ZCWPW1: variants seen among roughly 807,000 people sequenced by gnomAD.
ZCWPW1 encodes the protein zinc finger CW-type and PWWP domain containing 1.
Under a neutral mutation model 81.3 loss-of-function variants are expected in ZCWPW1, and 56 were observed. That is an observed-to-expected ratio of 0.69 (90% CI 0.56 to 0.86). The LOEUF (loss-of-function observed/expected upper bound fraction) is 0.86, where lower values mean the gene tolerates loss of function less well. Ranked by LOEUF, ZCWPW1 falls within the 40% of genes least tolerant of loss-of-function variation. ZCWPW1 has a pLI of 0.00. For missense variants in ZCWPW1, 650 were observed against 769.8 expected, an observed-to-expected ratio of 0.84 and a Z score of 1.84; for synonymous variants, 250 against 273.7, an observed-to-expected ratio of 0.91 and a Z score of 0.86.
At chr7:100,407,164 G>GTGAGGA in intron 11 of ZCWPW1, 64 bp downstream of exon 11, 1 of 1,467,604 alleles carries the variant, frequency 6.8e-7, no homozygotes, top group Non-Finnish European at 9.5e-7. Flanking sequence ...CTGTACGTCT[G>GTGAGGA]TGAGGATGGA....
intron 17 of ZCWPW1, 131 bp from the exon 18 acceptor site, chr7:100,401,467 T>C (rs1791864280): frequency 2.2e-6 from 2 of 890,686 alleles, no homozygotes; most frequent in East Asian, 5.6e-5. Context: ...ACAAAGAATA[T>C]GGACTTTGGG....
intron 1 of ZCWPW1, among the ~76,000 whole-genome samples, chr7:100,426,382 C>G (rs1180703345): frequency 1.3e-5 from 2 of 150,440 alleles, no homozygotes; most frequent in African/African-American, 4.9e-5. Context: ...ATCTCAGCTA[C>G]TTGGGAGGCT....
intron 8 of ZCWPW1, among the ~76,000 whole-genome samples, chr7:100,415,053 C>T (rs976156984): frequency 1.4e-5 from 2 of 147,048 alleles, no homozygotes; most frequent in Admixed American, 6.8e-5. Context: ...AAACAAAAAA[C>T]CCCTCCCTCA....
At chr7:100,419,014 A>T in intron 5 of ZCWPW1, 97 bp downstream of exon 5, 1 of 925,786 alleles carries the variant, frequency 1.1e-6, no homozygotes, top group Non-Finnish European at 1.7e-6. Flanking sequence ...TATTTAGAAG[A>T]TGGGAGAGAA....
intron 8 of ZCWPW1, among the ~76,000 whole-genome samples, chr7:100,412,605 G>T (rs1225861367): frequency 6.6e-6 from 1 of 150,664 alleles, no homozygotes; most frequent in Non-Finnish European, 1.5e-5. Context: ...TTTTTGAGAC[G>T]GAGTCTCGCT....
chr7:100,423,467 A>G (rs989887843), intron 2 of ZCWPW1, among the ~76,000 whole-genome samples: 2 of 152,218 alleles, frequency 1.3e-5, no homozygotes. Flanking sequence ...TCTCTAGACC[A>G]TAAGATAAAC....
Position 100,401,023 on chromosome 7 carries a change from A to C in ZCWPW1, c.1941T>G (p.Phe647Leu). 1.9e-6 allele frequency: 3 copies of C among 1,606,670 alleles called. No individual in the cohort carries two copies. Among genetic ancestry groups the C allele is most frequent in the Non-Finnish European group, 2.6e-6 (3 of 1,174,986 alleles). ...SDGEDFPVAL[F>L]GK is the part of the protein sequence containing the mutation. Reference sequence around the variant, plus strand: ...AGCAGAGGAGCACCAGCTACTTCCCAAACAGCGCCACGGGGAAGTCCTCGC... The same window carrying C: ...AGCAGAGGAGCACCAGCTACTTCCCCAACAGCGCCACGGGGAAGTCCTCGC... The change falls in exon 18 of 18, where the codon TTT becomes TTG. Residue 647 changes from phenylalanine to leucine, a missense_variant. Physicochemically the swap from Phe to Leu is conservative, Grantham distance 22. Transcript: ENST00000684423.
chr7:100,410,699 C>T (rs2130600156), intron 8 of ZCWPW1, among the ~76,000 whole-genome samples: 1 of 152,316 alleles, frequency 6.6e-6, no homozygotes, highest in Admixed American at 6.5e-5. Context: ...CCCACCCAGT[C>T]ATCTGCAGGA....
chr7:100,401,492 C>A (rs1459056561), intron 17 of ZCWPW1, among the ~76,000 whole-genome samples, 156 bp from the exon 18 acceptor site: 1 of 152,192 alleles, frequency 6.6e-6, no homozygotes, highest in Non-Finnish European at 1.5e-5. Context: ...GAAAGAGAGT[C>A]AAGCCGTCTG....
At chr7:100,414,707 A>G (rs1794863583) in intron 8 of ZCWPW1, among the ~76,000 whole-genome samples, 1 of 151,920 alleles carries the variant, frequency 6.6e-6, no homozygotes, top group Non-Finnish European at 1.5e-5. Context: ...ATATTGTATG[A>G]TCTGTTTTAT....
intron 13 of ZCWPW1, 73 bp downstream of exon 13, chr7:100,404,940 G>A: frequency 6.7e-7 from 1 of 1,499,754 alleles, no homozygotes; most frequent in South Asian, 1.1e-5. Context: ...AACCATCTTT[G>A]TCTGGACTGA....
chr7:100,408,541 G>C lies in ZCWPW1; in HGVS notation c.990C>G (p.Pro330=). The C allele has an allele frequency of 1.2e-6, 2 of 1,613,486 alleles. No homozygotes were observed. The highest frequency in any genetic ancestry group is 1.1e-5 in the South Asian group (1 of 91,022). Residue 330 remains proline, a splice_region_variant and synonymous_variant, in exon 10 of 18, where the codon CCC becomes CCG. Coordinates refer to ENST00000684423, the MANE Select transcript of ZCWPW1 (RefSeq NM_001386010.1). ...SIIWAKQYGY[P]WWPGMIESDP... ...CTGACTGTGTCATAATGCCCTACCAGGGGTAACCGTATTGCTTGGCCCAGA... is the reference window on the plus strand; with the variant it reads ...CTGACTGTGTCATAATGCCCTACCACGGGTAACCGTATTGCTTGGCCCAGA...
intron 5 of ZCWPW1, 71 bp downstream of exon 5, chr7:100,419,040 G>C (rs760638070): frequency 8.1e-7 from 1 of 1,234,982 alleles, no homozygotes. Context: ...GAAGCTGTCA[G>C]ACTTAACTCT....
intron 8 of ZCWPW1, among the ~76,000 whole-genome samples, chr7:100,410,259 C>A (rs1246351763): frequency 6.6e-6 from 1 of 152,098 alleles, no homozygotes; most frequent in African/African-American, 2.4e-5. Flanking sequence ...TTGACTCGAG[C>A]AACAAAAGTC....
chr7:100,424,558 T>C (rs558834653), intron 2 of ZCWPW1, among the ~76,000 whole-genome samples: 10 of 152,130 alleles, frequency 6.6e-5, no homozygotes, highest in African/African-American at 1.9e-4. Context: ...GCCTCCCAGG[T>C]TCAAGCGATT....
chr7:100,416,540 A>G, intron 6 of ZCWPW1, 84 bp from the exon 7 acceptor site: 3 of 1,451,314 alleles, frequency 2.1e-6, no homozygotes, highest in Non-Finnish European at 2.8e-6. Context: ...AGTAAAAGGA[A>G]GACAGATGAA....
At chr7:100,420,824 C>G (rs1461479571) in intron 2 of ZCWPW1, 146 bp from the exon 3 acceptor site, 4 of 693,000 alleles carry the variant, frequency 5.8e-6, no homozygotes. Context: ...CAATTACACA[C>G]CAGGGAATAA....
intron 8 of ZCWPW1, among the ~76,000 whole-genome samples, chr7:100,414,798 G>A (rs916958226): frequency 3.9e-5 from 6 of 152,026 alleles, no homozygotes; most frequent in African/African-American, 7.3e-5. Flanking sequence ...AGGCCGAAGC[G>A]GGCAGATCAC....
chr7:100,416,485 G>C (rs2130740079), intron 6 of ZCWPW1, 29 bp from the exon 7 acceptor site: 2 of 1,608,532 alleles, frequency 1.2e-6, no homozygotes, highest in Non-Finnish European at 8.5e-7. Flanking sequence ...TTTAATGAAA[G>C]GTAAAAATAG....
Sources: allele counts gnomAD v4.1 joint callset (sites outside exome capture counted in the v4.1 genomes callset), GRCh38; gene constraint gnomAD v4.1.1; transcripts MANE v1.5; gene names NCBI Gene and HGNC (gene_info 2026-07-23, HGNC 2026-07-21).